The following ARID1B variants were observed in gnomAD, a reference collection of about 807,000 sequenced individuals.
The protein encoded by ARID1B is AT-rich interactive domain-containing protein 1B.
A neutral mutation model predicts 212.3 loss-of-function variants in ARID1B; 30 were observed. The ratio of observed to expected loss-of-function variants is 0.14; its 90% CI spans 0.11 to 0.19. The LOEUF (loss-of-function observed/expected upper bound fraction) is 0.19. Among genes scored for constraint, ARID1B ranks in the 10% least tolerant of loss-of-function variants. ARID1B has a pLI of 1.00. For missense variants in ARID1B, 2,891 were observed against 3,204.0 expected (o/e 0.90, Z 2.36); for synonymous variants, 1,402 against 1,301.7 (o/e 1.08, Z -1.66).
At chr6:157,174,448 A>G (rs1434995758) in intron 10 of ARID1B, 4 of 219,452 alleles carry the variant, frequency 1.8e-5, no homozygotes, top group African/African-American at 9.2e-5. Flanking sequence ...CCTTCAGTTT[A>G]TAGCTTCCTG....
chr6:156,852,927 C>T (rs893921312), intron 2 of ARID1B, among the ~76,000 whole-genome samples: 1 of 152,242 alleles, frequency 6.6e-6, no homozygotes, highest in Non-Finnish European at 1.5e-5. Flanking sequence ...AAACCCAAAG[C>T]TTCCCTCATG....
At chr6:156,959,970 G>A (rs957545990) in intron 4 of ARID1B, among the ~76,000 whole-genome samples, 12 of 137,576 alleles carry the variant, frequency 8.7e-5, no homozygotes, top group East Asian at 4.7e-4. Context: ...TCACTCTGTC[G>A]CCCTGGCTGG....
chr6:156,909,176 A>G (rs1582925810), intron 3 of ARID1B, among the ~76,000 whole-genome samples: 2 of 122,776 alleles, frequency 1.6e-5, no homozygotes, highest in African/African-American at 6.6e-5. Flanking sequence ...CCCAGGCTGG[A>G]GTGCAGTGGT....
chr6:156,882,256 G>A (rs989424289), intron 2 of ARID1B, among the ~76,000 whole-genome samples: 5 of 152,036 alleles, frequency 3.3e-5, no homozygotes, highest in Non-Finnish European at 5.9e-5. Flanking sequence ...ACCCATTTCC[G>A]CCCAGCTCCT....
intron 4 of ARID1B, among the ~76,000 whole-genome samples, chr6:156,952,799 C>A (rs977005217): frequency 3.3e-5 from 5 of 152,210 alleles, no homozygotes; most frequent in African/African-American, 9.6e-5. Flanking sequence ...TATATTCATT[C>A]TTGTAAAACA....
chr6:156,943,935 T>C (rs1191805793), intron 4 of ARID1B: 1 of 152,216 alleles, frequency 6.6e-6, no homozygotes, highest in Non-Finnish European at 1.5e-5. Flanking sequence ...TTACTGTTTT[T>C]ATAAAATAAT....
At chr6:157,045,240 C>G (rs1020216665) in intron 4 of ARID1B, among the ~76,000 whole-genome samples, 2 of 152,130 alleles carry the variant, frequency 1.3e-5, no homozygotes, top group African/African-American at 2.4e-5. Context: ...GTCATTAATT[C>G]ATTGATTTGC....
chr6:156,896,914 G>A (rs561915124), intron 2 of ARID1B, among the ~76,000 whole-genome samples: 4 of 152,258 alleles, frequency 2.6e-5, no homozygotes, highest in African/African-American at 9.6e-5. Flanking sequence ...GAAGGAAAAA[G>A]GGGGAGAGGG....
Position 156,829,363 on chromosome 6 carries a change from T to G in ARID1B, c.1928T>G (p.Ile643Ser). 1 of 1,614,134 alleles carries G rather than the reference T, an allele frequency of 6.2e-7. No homozygotes were observed. Among genetic ancestry groups the G allele is most frequent in the Non-Finnish European group, 8.5e-7 (1 of 1,179,976 alleles). Residue 643 changes from isoleucine to serine, a missense_variant, in exon 2 of 20, where the codon ATT becomes AGT. Physicochemically the swap from Ile to Ser is moderately radical, Grantham distance 142. Around this residue, in one of 7 missense-constraint regions of ARID1B, gnomAD observed 1,643 missense variants for 1,544.0 expected, o/e 1.06. Transcript: ENST00000636930. ...YGPPGPQRYP[I>S]GIQGRTPGAM... is the part of the protein sequence containing the mutation. Reference sequence around the variant, plus strand: ...CCTCCAGGCCCACAGCGGTATCCAATTGGCATCCAGGGTCGGACTCCCGGG... The same window carrying G: ...CCTCCAGGCCCACAGCGGTATCCAAGTGGCATCCAGGGTCGGACTCCCGGG...
intron 4 of ARID1B, among the ~76,000 whole-genome samples, chr6:156,981,183 T>G (rs1777579172): frequency 6.6e-6 from 1 of 152,196 alleles, no homozygotes. Context: ...TCCTCTAAGA[T>G]TGCTCCAGGT....
At chr6:156,865,373 C>A (rs1486981633) in intron 2 of ARID1B, among the ~76,000 whole-genome samples, 1 of 152,202 alleles carries the variant, frequency 6.6e-6, no homozygotes, top group Admixed American at 6.5e-5. Flanking sequence ...AAATCACTTT[C>A]CTTCACAATT....
At position 156,847,078 on chromosome 6, in the gene ARID1B, C is replaced by T. The variant is rs1174159508; in HGVS notation, c.1986+17657C>T. Among the ~76,000 whole-genome samples the T allele has an allele frequency of 3.9e-5, 6 of 152,042 alleles. No individual in the cohort carries two copies. In the East Asian group the frequency reaches 1.2e-3, roughly 29 times the overall value. ...TCTTTACTGTCATTTTAATGGGGTC[C>T]CATGGAAGAGTAGAGAGAAACATGA... On this transcript the variant is annotated intron_variant, in intron 2 of 19. Transcript: ENST00000636930.
At chr6:157,015,118 AT>A (rs1161261069) in intron 4 of ARID1B, among the ~76,000 whole-genome samples, 1 of 152,152 alleles carries the variant, frequency 6.6e-6, no homozygotes, top group Non-Finnish European at 1.5e-5. Flanking sequence ...CTGAGAAAAT[AT>A]TTGGGGAGTA....
Position 157,189,631 on chromosome 6 carries a change from GCTA to G in ARID1B, c.3920-7_3920-5del. The G allele has an allele frequency of 1.3e-6, 2 of 1,596,696 alleles. No homozygotes were observed. Among genetic ancestry groups the G allele is most frequent in the Non-Finnish European group, 1.7e-6 (2 of 1,175,952 alleles). On this transcript the variant is annotated splice_polypyrimidine_tract_variant and splice_region_variant and intron_variant, in intron 13 of 19. Transcript: ENST00000636930. ...ATTTCTTCCTGTTTCTCTTGGTGCT[GCTA>G]CTATCAGCTAACTCGGGATCCTTGC...
intron 2 of ARID1B, among the ~76,000 whole-genome samples, chr6:156,845,494 G>C (rs1446465603): frequency 2.0e-5 from 3 of 152,118 alleles, no homozygotes; most frequent in African/African-American, 7.2e-5. Context: ...GCCTTAATGG[G>C]TGGATTGGCT....
intron 15 of ARID1B, chr6:157,194,397 T>TAACA (rs1793581148): frequency 6.6e-6 from 1 of 152,254 alleles, no homozygotes; most frequent in African/African-American, 2.4e-5. Context: ...TCTACCAGCC[T>TAACA]AACAAAATGT....
chr6:157,173,871 T>G, intron 9 of ARID1B, 137 bp from the exon 10 acceptor site: 1 of 676,776 alleles, frequency 1.5e-6, no homozygotes. Context: ...ATGCTCCCCA[T>G]TACAATTTCT....
intron 4 of ARID1B, among the ~76,000 whole-genome samples, chr6:157,067,386 C>T (rs996486744): frequency 4.6e-5 from 7 of 152,194 alleles, no homozygotes; most frequent in African/African-American, 1.7e-4. Context: ...TTCCTGAGAA[C>T]AAATGGGGTT....
intron 4 of ARID1B, among the ~76,000 whole-genome samples, chr6:156,978,538 A>G (rs1777402908): frequency 6.9e-6 from 1 of 145,184 alleles, no homozygotes; most frequent in Non-Finnish European, 1.5e-5. Flanking sequence ...TGTTGAATAA[A>G]CATATGGAAG....
Sources: gnomAD v4.1 joint callset for allele counts (sites outside exome capture counted in the v4.1 genomes callset) on GRCh38, gnomAD v4.1.1 for gene constraint, gnomAD v4.1.1 regional missense constraint, MANE v1.5 for transcripts, NCBI Gene and HGNC (gene_info 2026-07-23, HGNC 2026-07-21) for gene names.